The following NLRP8 variants were observed in gnomAD, a reference collection of about 807,000 sequenced individuals.
The protein encoded by NLRP8 is NACHT, LRR and PYD domains-containing protein 8.
NLRP8 carries 86 observed loss-of-function variants against 88.7 expected under a neutral mutation model. The observed-to-expected ratio is 0.97, with a 90% CI of 0.81 to 1.16. The LOEUF (loss-of-function observed/expected upper bound fraction) is 1.16, where lower values mean the gene tolerates loss of function less well. NLRP8 is among the 50% of genes most tolerant of loss of function. NLRP8 has a pLI of 0.00. For synonymous variants in NLRP8, 504 were observed against 494.6 expected (o/e 1.02, Z -0.25); for missense variants, 1,342 against 1,286.5 (o/e 1.04, Z -0.66).
At position 55,988,022 on chromosome 19, in the gene NLRP8, CAG is replaced by C. The variant is rs757964517; in HGVS notation, c.*112_*113del. On this transcript the variant is annotated 3_prime_UTR_variant, in exon 10 of 10. Coordinates refer to ENST00000291971, the MANE Select transcript of NLRP8 (RefSeq NM_176811.2). ...TGCATTAACGTACTTTCCCCTGAAA[CAG>C]AGCAACCCAGTCAACACCACAGAAC... The C allele has an allele frequency of 9.0e-4, 700 of 780,032 alleles. No individual in the cohort carries two copies. Among genetic ancestry groups the C allele is most frequent in the Non-Finnish European group, 1.1e-3 (521 of 459,246 alleles). The allele number at this position is 780,032 out of a possible 1,614,324, so 48.3% of individuals were successfully genotyped here. A position where few individuals can be genotyped will look rare whatever the true frequency, so the allele number is the denominator to read the frequency against.
At chr19:55,974,495 T>A (rs2123218867) in intron 7 of NLRP8, among the ~76,000 whole-genome samples, 1 of 151,972 alleles carries the variant, frequency 6.6e-6, no homozygotes, top group East Asian at 1.9e-4. Flanking sequence ...AGGCCTGTAA[T>A]CCCAGCACTT....
chr19:55,955,707 G>T lies in NLRP8; in HGVS notation c.1649G>T (p.Ser550Ile), dbSNP rs1979320836. The T allele has an allele frequency of 6.2e-7, 1 of 1,614,006 alleles. No individual in the cohort carries two copies. Among genetic ancestry groups the T allele is most frequent in the Non-Finnish European group, 8.5e-7 (1 of 1,179,882 alleles). ...ATAGCGAGTCCCAGAGGAAGCAAAA[G>T]CTATCTCTCTCACATGGGACTTTTC... The change falls in exon 3 of 10, where the codon AGC (serine) becomes ATC (isoleucine). Residue 550 changes from serine to isoleucine, a missense_variant. Physicochemically the swap from Ser to Ile is moderately radical, Grantham distance 142. Coordinates refer to ENST00000291971, the MANE Select transcript of NLRP8 (RefSeq NM_176811.2).
chr19:55,980,577 C>G (rs1980529468), intron 9 of NLRP8, among the ~76,000 whole-genome samples: 1 of 151,678 alleles, frequency 6.6e-6, no homozygotes, highest in Non-Finnish European at 1.5e-5. Context: ...ACTTGTGTGG[C>G]TGTGGGCGGC....
intron 4 of NLRP8, 56 bp from the exon 5 acceptor site, chr19:55,966,157 G>A: frequency 6.4e-7 from 1 of 1,559,152 alleles, no homozygotes; most frequent in Non-Finnish European, 8.8e-7. Flanking sequence ...TGAGGCCACA[G>A]AATTCTACGA....
intron 3 of NLRP8, among the ~76,000 whole-genome samples, chr19:55,960,346 A>T (rs1420529536): frequency 3.3e-5 from 5 of 151,876 alleles, no homozygotes; most frequent in Non-Finnish European, 5.9e-5. Context: ...TTTCATGTCT[A>T]CTCCCAACTT....
intron 3 of NLRP8, among the ~76,000 whole-genome samples, chr19:55,958,397 A>G (rs10422865): frequency 0.035 from 5,321 of 152,280 alleles, 274 homozygotes; most frequent in African/African-American, 0.12. Context: ...AATTTCAAGT[A>G]ATTTAAGTTC....
chr19:55,952,767 A>G (rs1384131851), intron 2 of NLRP8, among the ~76,000 whole-genome samples, 155 bp downstream of exon 2: 1 of 152,084 alleles, frequency 6.6e-6, no homozygotes, highest in African/African-American at 2.4e-5. Context: ...CTCTACTAAA[A>G]ACACAGAAAC....
intron 9 of NLRP8, among the ~76,000 whole-genome samples, chr19:55,980,786 ATGGTCCAGCCC>A (rs1023692530): frequency 2.4e-4 from 36 of 152,102 alleles, no homozygotes; most frequent in African/African-American, 8.7e-4. Flanking sequence ...TTTATTGGCC[ATGGTCCAGCCC>A]TGGTCCAGTG....
At position 55,966,428 on chromosome 19, in the gene NLRP8, G is replaced by A. The variant is rs952417115; in HGVS notation, c.2381+48G>A. The A allele has an allele frequency of 4.5e-6, 7 of 1,572,522 alleles. No homozygotes were observed. In the African/African-American group the frequency reaches 6.8e-5, roughly 15 times the overall value. ...GAGTGGGAACCGGGGTACCCGGATG[G>A]TCTTTTCAAGGGCGGTGATGAGAGG... On this transcript the variant is annotated intron_variant, in intron 5 of 9. Coordinates refer to ENST00000291971, the MANE Select transcript of NLRP8 (RefSeq NM_176811.2).
At chr19:55,961,984 A>G in intron 3 of NLRP8, 83 bp from the exon 4 acceptor site, 2 of 1,427,222 alleles carry the variant, frequency 1.4e-6, no homozygotes, top group Admixed American at 2.0e-5. Flanking sequence ...TAACCAGGAT[A>G]GGGAACACCA....
chr19:55,974,861 T>G (rs982530622), intron 7 of NLRP8, among the ~76,000 whole-genome samples: 2 of 152,132 alleles, frequency 1.3e-5, no homozygotes, highest in Non-Finnish European at 2.9e-5. Flanking sequence ...CTGTCTTATC[T>G]GTGTTTTACT....
Position 55,962,200 on chromosome 19 carries a change from G to A in NLRP8, c.2176G>A (p.Ala726Thr), listed in dbSNP as rs140042912. 131 of 1,613,870 alleles carry A rather than the reference G, an allele frequency of 8.1e-5. No individual in the cohort carries two copies. Among genetic ancestry groups the A allele is most frequent in the Non-Finnish European group, 8.6e-5 (102 of 1,179,994 alleles). Residue 726 changes from alanine to threonine, a missense_variant, in exon 4 of 10, where the codon GCA becomes ACA. Physicochemically the swap from Ala to Thr is moderately conservative, Grantham distance 58. Coordinates refer to ENST00000291971, the MANE Select transcript of NLRP8 (RefSeq NM_176811.2). ...TCCTTTTTTGAAGGCTCTCGCGGCC[G>A]CACTGAGGCACCCTCAGTGCAAACT...
chr19:55,954,540 T>A lies in NLRP8; in HGVS notation c.482T>A (p.Phe161Tyr). 1 of 1,613,808 alleles carries A rather than the reference T, an allele frequency of 6.2e-7. No individual in the cohort carries two copies. The highest frequency in any genetic ancestry group is 8.5e-7 in the Non-Finnish European group (1 of 1,179,938). The stretch of plus-strand genomic sequence containing the variant: ...TATAAATCGAATGTGATGGAAAAGT[T>A]TTTCCCCATATGGGACATTACGACT... The change falls in exon 3 of 10, where the codon TTT (phenylalanine) becomes TAT (tyrosine). Residue 161 changes from phenylalanine (F) to tyrosine (Y), a missense_variant. Physicochemically the swap from Phe to Tyr is conservative, Grantham distance 22. Coordinates refer to ENST00000291971, the MANE Select transcript of NLRP8 (RefSeq NM_176811.2).
chr19:55,976,847 A>AG (rs754042318), intron 8 of NLRP8, among the ~76,000 whole-genome samples: 113 of 134,068 alleles, frequency 8.4e-4, no homozygotes, highest in Non-Finnish European at 1.5e-3. Flanking sequence ...TGGGAGGCTG[A>AG]GGTGGGGCGG....
chr19:55,980,110 C>G (rs1342725714), intron 9 of NLRP8, among the ~76,000 whole-genome samples: 2 of 152,146 alleles, frequency 1.3e-5, no homozygotes, highest in Admixed American at 1.3e-4. Flanking sequence ...TTTGTCTTCT[C>G]TTTTCTTCAT....
intron 7 of NLRP8, among the ~76,000 whole-genome samples, chr19:55,975,627 C>T (rs369669515): frequency 5.9e-5 from 9 of 152,290 alleles, no homozygotes; most frequent in Non-Finnish European, 8.8e-5. Context: ...ATTCATGCTA[C>T]AGCATGGACG....
At position 55,947,969 on chromosome 19, in the gene NLRP8, C is replaced by A; in HGVS notation, c.67C>A (p.His23Asn). The change falls in exon 1 of 10, where the codon CAT (histidine) becomes AAT (asparagine). Residue 23 changes from histidine to asparagine, a missense_variant. Transcript: ENST00000291971. Reference sequence around the variant, plus strand: ...TTCATCCTCCTCCACTCACAGTTCTCATATTCCGCCCTGGACATTCTCTTG... The same window carrying A: ...TTCATCCTCCTCCACTCACAGTTCTAATATTCCGCCCTGGACATTCTCTTG... 1 of 1,614,090 alleles carries A rather than the reference C, an allele frequency of 6.2e-7. No individual in the cohort carries two copies. The highest frequency in any genetic ancestry group is 1.1e-5 in the South Asian group (1 of 91,066).
Position 55,979,434 on chromosome 19 carries a change from A to T in NLRP8, c.2917A>T (p.Met973Leu). The stretch of plus-strand genomic sequence containing the variant: ...GTTCACCTCCATCTGCTGCCAGGCC[A>T]TGGCTTCCATGCTCCGCAAAAACCA... The change falls in exon 9 of 10, where the codon ATG becomes TTG. Residue 973 changes from methionine (M) to leucine (L), a missense_variant. Met to Leu is a conservative substitution (Grantham distance 15). Transcript: ENST00000291971. 6.2e-7 allele frequency: 1 copy of T among 1,614,166 alleles called. No individual in the cohort carries two copies. Among genetic ancestry groups the T allele is most frequent in the Non-Finnish European group, 8.5e-7 (1 of 1,180,030 alleles).
At chr19:55,983,300 C>T (rs1440276188) in intron 9 of NLRP8, among the ~76,000 whole-genome samples, 2 of 151,678 alleles carry the variant, frequency 1.3e-5, no homozygotes, top group Non-Finnish European at 2.9e-5. Context: ...CCCATCTCTA[C>T]TAAAAATACA....
Sources: gnomAD v4.1 joint callset for allele counts (sites outside exome capture counted in the v4.1 genomes callset) on GRCh38, gnomAD v4.1.1 for gene constraint, MANE v1.5 for transcripts, NCBI Gene and HGNC (gene_info 2026-07-23, HGNC 2026-07-21) for gene names.